CCNY: variants seen among roughly 807,000 people sequenced by gnomAD.
The protein encoded by CCNY is cyclin-Y.
CCNY carries 19 observed loss-of-function variants against 42.8 expected under a neutral mutation model. That is an observed-to-expected ratio of 0.44 (90% confidence interval 0.31 to 0.65). CCNY has a LOEUF of 0.65. Among genes scored for constraint, CCNY ranks in the 30% least tolerant of loss-of-function variants. CCNY has a pLI of 0.07. For missense variants in CCNY, 370 were observed against 437.3 expected (o/e 0.85, Z 1.37); for synonymous variants, 165 against 162.7 (o/e 1.01, Z -0.11).
intron 4 of CCNY, among the ~76,000 whole-genome samples, chr10:35,518,844 TGC>T (rs1840484010): frequency 8.1e-6 from 1 of 123,618 alleles, no homozygotes; most frequent in Non-Finnish European, 1.7e-5. Context: ...GGCTGAGGTA[TGC>T]TGTGAGTATC....
At chr10:35,505,634 G>C (rs950149590) in intron 3 of CCNY, among the ~76,000 whole-genome samples, 4 of 152,124 alleles carry the variant, frequency 2.6e-5, no homozygotes, top group Non-Finnish European at 5.9e-5. Context: ...ATCTCCTAGG[G>C]TGGGTCATAA....
intron 1 of CCNY, among the ~76,000 whole-genome samples, chr10:35,351,756 C>G (rs1277524195): frequency 6.6e-6 from 1 of 152,156 alleles, no homozygotes; most frequent in African/African-American, 2.4e-5. Flanking sequence ...CCTTACAGGA[C>G]CTTTTTTGGT....
chr10:35,505,684 T>A (rs569466615), intron 3 of CCNY, among the ~76,000 whole-genome samples: 1 of 152,242 alleles, frequency 6.6e-6, no homozygotes, highest in Non-Finnish European at 1.5e-5. Flanking sequence ...ATTTGCAGCC[T>A]AATTATAACA....
At chr10:35,318,071 T>A (rs1256350516) in intron 3 of CCNY, among the ~76,000 whole-genome samples, 1 of 151,834 alleles carries the variant, frequency 6.6e-6, no homozygotes, top group East Asian at 1.9e-4. Flanking sequence ...CTACAAAAAA[T>A]TTCAAAATTG....
Position 35,266,862 on chromosome 10 carries a change from T to C in CCNY, c.-9+16236T>C, listed in dbSNP as rs181501908. Reference sequence around the variant, plus strand: ...ACTTTGGAAGGCCGAGGCAGGTGGATCTCCTGAGATCAGGAGTTCGAGACC... The same window carrying C: ...ACTTTGGAAGGCCGAGGCAGGTGGACCTCCTGAGATCAGGAGTTCGAGACC... On this transcript the variant is annotated intron_variant, in intron 3 of 11. Coordinates refer to the CCNY transcript ENST00000374706. Among the ~76,000 whole-genome samples, 8 of 152,064 alleles carry C rather than the reference T, an allele frequency of 5.3e-5. No individual in the cohort carries two copies. In the East Asian group the frequency reaches 1.6e-3, roughly 29 times the overall value.
At chr10:35,493,325 G>A (rs952090573) in intron 2 of CCNY, among the ~76,000 whole-genome samples, 6 of 152,152 alleles carry the variant, frequency 3.9e-5, no homozygotes, top group South Asian at 2.1e-4. Context: ...TTGATGCCCC[G>A]TCTACCACAG....
intron 3 of CCNY, among the ~76,000 whole-genome samples, chr10:35,268,174 C>T (rs1039050071): frequency 6.6e-6 from 1 of 152,070 alleles, no homozygotes; most frequent in African/African-American, 2.4e-5. Flanking sequence ...GGATTACAGG[C>T]GTGAGCCACT....
intron 3 of CCNY, among the ~76,000 whole-genome samples, chr10:35,330,851 G>A (rs916244298): frequency 6.6e-6 from 1 of 151,962 alleles, no homozygotes; most frequent in African/African-American, 2.4e-5. Context: ...CCACCTCCTG[G>A]GTTCAAGCAG....
At chr10:35,355,536 G>T (rs182588408) in intron 1 of CCNY, among the ~76,000 whole-genome samples, 26 of 151,884 alleles carry the variant, frequency 1.7e-4, no homozygotes, top group South Asian at 1.5e-3. Flanking sequence ...AAATTAGCTG[G>T]GTGTGGTAGC....
At chr10:35,411,892 A>G (rs1837914867) in intron 1 of CCNY, among the ~76,000 whole-genome samples, 1 of 152,262 alleles carries the variant, frequency 6.6e-6, no homozygotes, top group South Asian at 2.1e-4. Flanking sequence ...CTATGATAAC[A>G]ACACCACTGT....
At chr10:35,431,643 T>C (rs2135280651) in intron 1 of CCNY, among the ~76,000 whole-genome samples, 1 of 151,984 alleles carries the variant, frequency 6.6e-6, no homozygotes, top group South Asian at 2.1e-4. Context: ...GACTGAACTG[T>C]CATTCTTTAG....
intron 1 of CCNY, among the ~76,000 whole-genome samples, chr10:35,350,161 T>TG (rs1353500849): frequency 1.3e-5 from 2 of 152,222 alleles, no homozygotes; most frequent in Admixed American, 6.5e-5. Context: ...TGGCCACCGT[T>TG]CTGACAATGG....
intron 1 of CCNY, among the ~76,000 whole-genome samples, chr10:35,364,541 C>T (rs1190593113): frequency 2.6e-5 from 4 of 152,096 alleles, no homozygotes; most frequent in African/African-American, 9.7e-5. Context: ...GTAGGATGCT[C>T]TTTGAGTGTG....
chr10:35,328,674 A>C (rs1160520591), intron 3 of CCNY, among the ~76,000 whole-genome samples: 1 of 152,112 alleles, frequency 6.6e-6, no homozygotes, highest in African/African-American at 2.4e-5. Context: ...AAAAGGACAC[A>C]GTGAGCAATG....
intron 1 of CCNY, among the ~76,000 whole-genome samples, chr10:35,390,577 TC>T (rs142372374): frequency 0.017 from 2,663 of 152,174 alleles, 33 homozygotes; most frequent in East Asian, 0.045. Context: ...ATAAAAGGGC[TC>T]CCTTACCTCT....
Position 35,530,111 on chromosome 10 carries a change from T to A in CCNY, c.460-13T>A, listed in dbSNP as rs1438997997. The A allele has an allele frequency of 6.2e-7, 1 of 1,614,188 alleles. No homozygotes were observed. Among genetic ancestry groups the A allele is most frequent in the South Asian group, 1.1e-5 (1 of 91,080 alleles). ...TCGGGAGATCAGTCATCTGAAAATATTTTCTTCCCCAGAAATCCGAAGTGC... is the reference window on the plus strand; with the variant it reads ...TCGGGAGATCAGTCATCTGAAAATAATTTCTTCCCCAGAAATCCGAAGTGC... On this transcript the variant is annotated splice_polypyrimidine_tract_variant and intron_variant, in intron 6 of 9. Transcript: ENST00000374704. This position sits in a 1 kb window ranked among gnomAD's most constrained non-coding sequence, Gnocchi z 4.3.
intron 1 of CCNY, among the ~76,000 whole-genome samples, chr10:35,361,108 C>T (rs978164524): frequency 2.6e-5 from 4 of 151,940 alleles, no homozygotes; most frequent in Admixed American, 6.6e-5. Flanking sequence ...CCCCCCGCCT[C>T]GGCCTCCCAA....
intron 4 of CCNY, among the ~76,000 whole-genome samples, chr10:35,520,012 A>G (rs1200969815): frequency 6.6e-6 from 1 of 151,136 alleles, no homozygotes; most frequent in Non-Finnish European, 1.5e-5. Context: ...CAATCTACCC[A>G]CCTTGGCCTC....
chr10:35,487,529 C>T (rs1470633076), intron 2 of CCNY, among the ~76,000 whole-genome samples: 1 of 152,112 alleles, frequency 6.6e-6, no homozygotes, highest in Non-Finnish European at 1.5e-5. Context: ...GTTCACTAGA[C>T]TGATTTAGAT....
Sources: allele counts gnomAD v4.1 joint callset (sites outside exome capture counted in the v4.1 genomes callset), GRCh38; gene constraint gnomAD v4.1.1; non-coding constraint Gnocchi (gnomAD v3.1); transcripts MANE v1.5; gene names NCBI Gene and HGNC (gene_info 2026-07-23, HGNC 2026-07-21).